Variants in DAAM2 observed in about 807,000 individuals in gnomAD.
DAAM2 encodes disheveled-associated activator of morphogenesis 2.
DAAM2 carries 39 observed loss-of-function variants against 120.7 expected under a neutral mutation model. The observed-to-expected ratio is 0.32, with a 90% CI of 0.25 to 0.42. The LOEUF (loss-of-function observed/expected upper bound fraction) is 0.42. Among genes scored for constraint, DAAM2 ranks in the 10% least tolerant of loss-of-function variants. The pLI is 1.00. For missense variants in DAAM2, 1,283 were observed against 1,401.7 expected (o/e 0.92, Z 1.35); for synonymous variants, 488 against 524.9 (o/e 0.93, Z 0.96).
At chr6:39,867,994 G>T in intron 6 of DAAM2, 151 bp downstream of exon 6, 1 of 686,544 alleles carries the variant, frequency 1.5e-6, no homozygotes, top group Non-Finnish European at 2.4e-6. Context: ...AACAGGTGAA[G>T]AGTACTGGGA....
intron 1 of DAAM2, among the ~76,000 whole-genome samples, chr6:39,805,241 C>A (rs1213866538): frequency 6.6e-6 from 1 of 152,028 alleles, no homozygotes; most frequent in Non-Finnish European, 1.5e-5. Context: ...ACTAGTGGGA[C>A]CTAAATTCAA....
At chr6:39,841,412 T>TTCCA (rs1763335282) in intron 1 of DAAM2, among the ~76,000 whole-genome samples, 2 of 27,048 alleles carry the variant, frequency 7.4e-5, no homozygotes, top group African/African-American at 3.0e-4. Flanking sequence ...TGGGGAAAGG[T>TTCCA]GGGGGAGGGC....
chr6:39,839,440 A>G (rs1763239134), intron 1 of DAAM2, among the ~76,000 whole-genome samples: 1 of 152,206 alleles, frequency 6.6e-6, no homozygotes, highest in Non-Finnish European at 1.5e-5. Context: ...TTGAAAGTGG[A>G]AAAAACAGGA....
At chr6:39,861,089 C>A (rs1310260571) in intron 3 of DAAM2, 72 bp downstream of exon 3, 1 of 1,063,580 alleles carries the variant, frequency 9.4e-7, no homozygotes, top group Admixed American at 2.0e-5. Flanking sequence ...CCTTGGCATG[C>A]TCATGCATTC....
At chr6:39,814,134 G>A (rs1398544036) in intron 1 of DAAM2, among the ~76,000 whole-genome samples, 1 of 151,654 alleles carries the variant, frequency 6.6e-6, no homozygotes, top group Admixed American at 6.6e-5. Context: ...TTCTTAAAAT[G>A]TTATGAGATT....
rs553731559 is a variant in DAAM2 at position 39,899,391 on chromosome 6, C to T, written c.2679+454C>T. 2.6e-4 allele frequency among the ~76,000 whole-genome samples: 39 copies of T among 152,296 alleles called. 2 individuals are homozygous for T. The South Asian group carries it at 6.6e-3, about 26-fold the overall frequency. The stretch of plus-strand genomic sequence containing the variant: ...CACCATTCCCGTTCTGATGGCTTCT[C>T]GGCTGATACTATCTCTGGCCCTAGC... On this transcript the variant is annotated intron_variant, in intron 22 of 24. Transcript: ENST00000274867.
At chr6:39,824,907 T>C (rs1762613855) in intron 1 of DAAM2, among the ~76,000 whole-genome samples, 1 of 152,108 alleles carries the variant, frequency 6.6e-6, no homozygotes, top group South Asian at 2.1e-4. Flanking sequence ...CACAAATACT[T>C]TCTTGGGACT....
chr6:39,831,860 GT>G (rs1762914876), intron 1 of DAAM2, among the ~76,000 whole-genome samples: 2 of 85,538 alleles, frequency 2.3e-5, no homozygotes, highest in African/African-American at 4.8e-5. Context: ...GGAGGCAGGT[GT>G]ACCGAGGGGG....
chr6:39,823,148 GAT>G (rs1762547465), intron 1 of DAAM2: 1 of 152,116 alleles, frequency 6.6e-6, no homozygotes, highest in Non-Finnish European at 1.5e-5. Context: ...TTCCTAAAAT[GAT>G]AGTTTTTAAC....
intron 17 of DAAM2, 141 bp downstream of exon 17, chr6:39,888,904 C>G: frequency 2.0e-6 from 1 of 500,576 alleles, no homozygotes; most frequent in Non-Finnish European, 3.5e-6. Context: ...ATAGAAGCCT[C>G]CCTGGGCCAG....
rs553998639 is a variant in DAAM2, at chr6:39,823,842, A to G, written c.-57+31377A>G. On this transcript the variant is annotated intron_variant, in intron 1 of 24. Transcript: ENST00000274867. The stretch of plus-strand genomic sequence containing the variant: ...CCTGCCAGTCTTGGAGGCTGGAGGC[A>G]GGAGACTGAGGACCCCTGCCTCTCC... Among the ~76,000 whole-genome samples the G allele has an allele frequency of 6.3e-3, 961 of 152,268 alleles. 16 individuals carry two copies. The highest frequency in any genetic ancestry group is 0.017 in the Middle Eastern group (5 of 294).
At position 39,825,754 on chromosome 6, in the gene DAAM2, G is replaced by C. The variant is rs113406404; in HGVS notation, c.-56-30493G>C. Among the ~76,000 whole-genome samples, 329 of 152,264 alleles carry C rather than the reference G, an allele frequency of 2.2e-3. 1 individual carries two copies. The highest frequency in any genetic ancestry group is 0.01 in the Middle Eastern group (3 of 294). On this transcript the variant is annotated intron_variant, in intron 1 of 24. Coordinates refer to ENST00000274867, the MANE Select transcript of DAAM2 (RefSeq NM_001201427.2). ...GTGTACTGAGTGTACTCTTTCCCAG[G>C]TGTACAAGCCCTGCAGGCAGGGTGG...
intron 1 of DAAM2, among the ~76,000 whole-genome samples, chr6:39,832,037 C>T (rs1215286909): frequency 3.7e-4 from 35 of 94,576 alleles, no homozygotes; most frequent in African/African-American, 1.0e-3. Flanking sequence ...GCACTGGGGG[C>T]GCAGGTACAC....
intron 3 of DAAM2, chr6:39,862,616 C>G (rs1490043127): frequency 6.6e-6 from 1 of 151,790 alleles, no homozygotes; most frequent in East Asian, 1.9e-4. Context: ...CCAGCCTGAC[C>G]AACATGGAGA....
At chr6:39,824,395 T>C (rs1046538262) in intron 1 of DAAM2, among the ~76,000 whole-genome samples, 4 of 152,324 alleles carry the variant, frequency 2.6e-5, no homozygotes, top group Admixed American at 1.3e-4. Context: ...AATCCATCTC[T>C]GGCCCTGTAA....
chr6:39,894,141 A>T (rs1765923941), intron 19 of DAAM2, among the ~76,000 whole-genome samples: 2 of 152,228 alleles, frequency 1.3e-5, no homozygotes, highest in African/African-American at 4.8e-5. Context: ...TATTCTTATG[A>T]ATATATTCAT....
intron 1 of DAAM2, chr6:39,793,021 A>G (rs1761592920): frequency 6.6e-6 from 1 of 152,292 alleles, no homozygotes; most frequent in Non-Finnish European, 1.5e-5. Flanking sequence ...GCATCTCAGG[A>G]AAGGGGTCCC....
Position 39,823,900 on chromosome 6 carries a change from G to T in DAAM2, c.-57+31435G>T, listed in dbSNP as rs536957843. On this transcript the variant is annotated intron_variant, in intron 1 of 24. Transcript: ENST00000274867. ...TCCACCTCCTTTCCCTCCTCCCCCTGCTGGGGTTTTGGGTCTTGCTGTCAT... is the reference window on the plus strand; with the variant it reads ...TCCACCTCCTTTCCCTCCTCCCCCTTCTGGGGTTTTGGGTCTTGCTGTCAT... 5.3e-5 allele frequency among the ~76,000 whole-genome samples: 8 copies of T among 152,222 alleles called. No individual in the cohort carries two copies. In the East Asian group the frequency reaches 1.2e-3, roughly 22 times the overall value.
chr6:39,863,709 T>C (rs1319512827), intron 3 of DAAM2, among the ~76,000 whole-genome samples: 1 of 152,142 alleles, frequency 6.6e-6, no homozygotes, highest in Non-Finnish European at 1.5e-5. Context: ...TTAACTCCCA[T>C]CATTCTTGCC....
Sources: gnomAD v4.1 joint callset for allele counts (sites outside exome capture counted in the v4.1 genomes callset) on GRCh38, gnomAD v4.1.1 for gene constraint, MANE v1.5 for transcripts, NCBI Gene and HGNC (gene_info 2026-07-23, HGNC 2026-07-21) for gene names.